ATP2C1: variants seen among roughly 807,000 people sequenced by gnomAD.
The protein encoded by ATP2C1 is ATPase secretory pathway Ca2+ transporting 1.
A neutral mutation model predicts 120.5 loss-of-function variants in ATP2C1; 31 were observed. The observed-to-expected ratio is 0.26, with a 90% CI of 0.19 to 0.35. ATP2C1 has a LOEUF of 0.35. Ranked by LOEUF, ATP2C1 falls within the 10% of genes least tolerant of loss-of-function variation. The pLI is 1.00. For synonymous variants in ATP2C1, 351 were observed against 358.7 expected (o/e 0.98, Z 0.24); for missense variants, 731 against 1,107.5 (o/e 0.66, Z 4.83).
At chr3:130,970,406 A>ACACACACACACACACC (rs765779646) in intron 17 of ATP2C1, among the ~76,000 whole-genome samples, 3 of 147,880 alleles carry the variant, frequency 2.0e-5, no homozygotes, top group African/African-American at 7.7e-5. Context: ...ACACACACAC[A>ACACACACACACACACC]CCCTTAAACT....
intron 1 of ATP2C1, among the ~76,000 whole-genome samples, chr3:130,869,649 G>A (rs1043827337): frequency 6.6e-6 from 1 of 152,186 alleles, no homozygotes; most frequent in Admixed American, 6.5e-5. Flanking sequence ...GGAAGTTTGA[G>A]CGGTCTGGAT....
At chr3:130,983,729 C>T (rs931937622) in intron 20 of ATP2C1, among the ~76,000 whole-genome samples, 2 of 152,186 alleles carry the variant, frequency 1.3e-5, no homozygotes, top group Non-Finnish European at 2.9e-5. Flanking sequence ...GTAGTTTTGC[C>T]TTTTCCAGAA....
intron 1 of ATP2C1, among the ~76,000 whole-genome samples, chr3:130,880,788 G>A (rs556849752): frequency 6.6e-6 from 1 of 152,076 alleles, no homozygotes; most frequent in Non-Finnish European, 1.5e-5. Context: ...GATTGTCCTG[G>A]GCTAAACTGC....
chr3:131,000,318 T>G (rs930862890), intron 27 of ATP2C1, among the ~76,000 whole-genome samples: 2 of 152,200 alleles, frequency 1.3e-5, no homozygotes, highest in African/African-American at 4.8e-5. Flanking sequence ...TCTTGTAAGT[T>G]AAAATTTACC....
chr3:130,941,667 G>A lies in ATP2C1; in HGVS notation c.499G>A (p.Asp167Asn), dbSNP rs2108454727. 3 of 1,614,044 alleles carry A rather than the reference G, an allele frequency of 1.9e-6. No individual in the cohort carries two copies. Among genetic ancestry groups the A allele is most frequent in the Non-Finnish European group, 2.5e-6 (3 of 1,179,986 alleles). The part of the protein sequence containing the change: ...PGDTVCLSVG[D>N]RVPADLRLFE... ...TGATACAGTTTGCCTTTCTGTTGGG[G>A]ATAGAGTTCCTGCTGACTTACGCTT... The change falls in exon 8 of 28, where the codon GAT (aspartate) becomes AAT (asparagine). Residue 167 changes from aspartate to asparagine, a missense_variant. Transcript: ENST00000510168.
At chr3:131,016,227 GA>G in exon 27 of ATP2C1, 2 of 1,614,168 alleles carry the variant, frequency 1.2e-6, no homozygotes, top group Non-Finnish European at 1.7e-6. Context: ...GCCACTGACA[GA>G]AGATGTGAGC....
At chr3:130,990,413 C>A (rs2062274333) in intron 20 of ATP2C1, among the ~76,000 whole-genome samples, 3 of 151,928 alleles carry the variant, frequency 2.0e-5, no homozygotes, top group African/African-American at 7.3e-5. Context: ...GAGGAAAGAG[C>A]ATTCCAGACA....
exon 27 of ATP2C1, chr3:131,016,337 T>C: frequency 6.2e-7 from 1 of 1,614,170 alleles, no homozygotes; most frequent in East Asian, 2.2e-5. Flanking sequence ...AGCTCTTCCT[T>C]ACCTAAATAA....
At chr3:130,867,449 C>G (rs1193488000) in intron 1 of ATP2C1, among the ~76,000 whole-genome samples, 1 of 151,302 alleles carries the variant, frequency 6.6e-6, no homozygotes, top group Non-Finnish European at 1.5e-5. Flanking sequence ...GCCGCCACGC[C>G]TGACTGGTTT....
At chr3:130,883,803 TTAG>T (rs1056553763) in intron 1 of ATP2C1, among the ~76,000 whole-genome samples, 3 of 152,172 alleles carry the variant, frequency 2.0e-5, no homozygotes, top group Non-Finnish European at 2.9e-5. Flanking sequence ...AACTTCCCTC[TTAG>T]TAGTTATAGC....
At chr3:130,882,212 C>CTTT (rs201420573) in intron 1 of ATP2C1, among the ~76,000 whole-genome samples, 1 of 144,942 alleles carries the variant, frequency 6.9e-6, no homozygotes, top group African/African-American at 2.5e-5. Flanking sequence ...TTTCTTTCTT[C>CTTT]TTTTTTTTTT....
intron 2 of ATP2C1, among the ~76,000 whole-genome samples, chr3:130,912,848 T>C (rs957278208): frequency 2.6e-5 from 4 of 152,246 alleles, no homozygotes; most frequent in Admixed American, 6.5e-5. Flanking sequence ...AACTTGGAAC[T>C]AACCCAAATG....
rs1365803188 is a variant in ATP2C1 at position 130,992,987 on chromosome 3, A to G, written c.1876A>G (p.Met626Val). 4 of 1,612,436 alleles carry G rather than the reference A, an allele frequency of 2.5e-6. No individual in the cohort carries two copies. Among genetic ancestry groups the G allele is most frequent in the South Asian group, 2.2e-5 (2 of 91,054 alleles). ...VFYRASPRHK[M>V]KIIKSLQKNG... ...TTACAGAGCTAGCCCAAGGCACAAG[A>G]TGAAAATTATTAAGGTGAGTGTGTA... is the stretch of plus-strand genomic sequence containing the variant. The change falls in exon 21 of 28, where the codon ATG becomes GTG. Residue 626 changes from methionine to valine, a missense_variant. By Grantham distance (21) the Met-to-Val change is conservative (BLOSUM62 1). Around this residue, in one of 3 missense-constraint regions of ATP2C1, gnomAD observed 571 missense variants for 845.9 expected, o/e 0.67. Transcript: ENST00000510168.
intron 19 of ATP2C1, 115 bp from the exon 20 acceptor site, chr3:130,980,467 C>T (rs1182501796): frequency 5.5e-6 from 4 of 729,850 alleles, no homozygotes; most frequent in Non-Finnish European, 1.0e-5. Context: ...GTTTGTATTA[C>T]TGGTAGGTAA....
chr3:130,931,620 T>G (rs2059451516), intron 3 of ATP2C1, among the ~76,000 whole-genome samples: 1 of 152,150 alleles, frequency 6.6e-6, no homozygotes, highest in Non-Finnish European at 1.5e-5. Context: ...TGTGGCTGAT[T>G]GTGTTATTTT....
chr3:130,993,912 T>C lies in ATP2C1; in HGVS notation c.1891-20T>C. ...TTTATCAAAATTCCTTCCTCTCCCC[T>C]GTCCTCTGCTCCACTCTAGTCGCTA... On this transcript the variant is annotated intron_variant, in intron 21 of 27. Coordinates refer to ENST00000510168, the MANE Select transcript of ATP2C1 (RefSeq NM_001378687.1). 2.5e-6 allele frequency: 4 copies of C among 1,614,016 alleles called. No individual in the cohort carries two copies. In the South Asian group the frequency reaches 3.3e-5, roughly 13 times the overall value.
intron 4 of ATP2C1, among the ~76,000 whole-genome samples, chr3:130,933,460 C>A (rs1311204911): frequency 6.6e-6 from 1 of 152,048 alleles, no homozygotes; most frequent in Non-Finnish European, 1.5e-5. Context: ...TATAACAGTT[C>A]TTTGGTATAA....
chr3:130,963,239 G>A (rs68077344), intron 12 of ATP2C1: 18,763 of 151,950 alleles, frequency 0.12, 1,487 homozygotes, highest in East Asian at 0.39. Context: ...ACTGTTAACC[G>A]CTATCTAGAT....
Position 131,015,647 on chromosome 3 carries a change from A to G in ATP2C1, c.2630-505A>G, listed in dbSNP as rs902057326. On this transcript the variant is annotated intron_variant, in intron 26 of 26. Coordinates refer to the ATP2C1 transcript ENST00000328560. ...GAGCTGAGATTCTGTTTTTGTCCCT[A>G]CACCCTAGCACAGGGTAGGCATTTA... Among the ~76,000 whole-genome samples the G allele has an allele frequency of 2.0e-5, 3 of 152,214 alleles. No homozygotes were observed. The South Asian group carries it at 6.2e-4, about 32-fold the overall frequency.
Sources: allele counts gnomAD v4.1 joint callset (sites outside exome capture counted in the v4.1 genomes callset), GRCh38; gene constraint gnomAD v4.1.1; regional missense constraint gnomAD v4.1.1; transcripts MANE v1.5; gene names NCBI Gene and HGNC (gene_info 2026-07-23, HGNC 2026-07-21).